Variants in BMP1 observed in about 807,000 individuals in gnomAD.
BMP1 encodes the protein bone morphogenetic protein 1, also known as mammalian tolloid protein.
In BMP1, 63 loss-of-function variants were observed where a neutral mutation model predicts 116.8. The observed-to-expected ratio is 0.54, with a 90% CI of 0.44 to 0.67. The LOEUF is 0.67. BMP1 is among the 30% of genes least tolerant of loss of function. The pLI is 0.00. For synonymous variants in BMP1, 536 were observed against 533.4 expected, an observed-to-expected ratio of 1.00 and a Z score of -0.07; for missense variants, 1,183 against 1,358.9, an observed-to-expected ratio of 0.87 and a Z score of 2.04.
At chr8:22,169,966 G>C (rs1351504056) in intron 1 of BMP1, 2 of 152,188 alleles carry the variant, frequency 1.3e-5, no homozygotes. Context: ...TCTGAGTAAG[G>C]AGAGACCTCC....
intron 8 of BMP1, among the ~76,000 whole-genome samples, chr8:22,189,189 C>A (rs2131872155): frequency 6.6e-6 from 1 of 152,124 alleles, no homozygotes; most frequent in Non-Finnish European, 1.5e-5. Context: ...CTTCCAGACC[C>A]TTCTAGGTAT....
At chr8:22,205,737 T>C (rs1393183253) in intron 16 of BMP1, among the ~76,000 whole-genome samples, 3 of 152,208 alleles carry the variant, frequency 2.0e-5, no homozygotes, top group Non-Finnish European at 4.4e-5. Flanking sequence ...ATCGCACTAC[T>C]GTACTCCAGC....
At chr8:22,185,996 C>T (rs187785784) in intron 8 of BMP1, among the ~76,000 whole-genome samples, 75 of 152,048 alleles carry the variant, frequency 4.9e-4, no homozygotes, top group Admixed American at 3.5e-3. Flanking sequence ...CCACCACGCC[C>T]GGCTAATTTT....
chr8:22,174,632 T>A (rs1828379961), intron 2 of BMP1, among the ~76,000 whole-genome samples: 1 of 138,714 alleles, frequency 7.2e-6, no homozygotes, highest in Non-Finnish European at 1.6e-5. Context: ...TCTGTCTTTT[T>A]TTTTTTTTTT....
Position 22,194,611 on chromosome 8 carries a change from T to A in BMP1, c.1443+21T>A. 6.2e-7 allele frequency: 1 copy of A among 1,612,770 alleles called. No individual in the cohort carries two copies. The highest frequency in any genetic ancestry group is 8.5e-7 in the Non-Finnish European group (1 of 1,179,024). On this transcript the variant is annotated intron_variant, in intron 11 of 19. Transcript: ENST00000306385. The surrounding 1 kb of genome is among the most constrained non-coding windows in gnomAD (Gnocchi z 4.5). ...TTGAGGTAGGTCAGTGGCCCTGTGA[T>A]CTGACCTTTGAATCCAGCAGTTGCT... is the stretch of plus-strand genomic sequence containing the variant.
At chr8:22,211,525 T>A (rs1484415397) in intron 19 of BMP1, 69 bp from the exon 20 acceptor site, 6 of 1,601,324 alleles carry the variant, frequency 3.7e-6, no homozygotes, top group Non-Finnish European at 5.1e-6. Flanking sequence ...AAGCTGGGGA[T>A]CTTGGGGAGG....
chr8:22,192,324 G>A (rs1828959035), intron 9 of BMP1, 173 bp downstream of exon 9: 4 of 572,134 alleles, frequency 7.0e-6, no homozygotes, highest in East Asian at 3.1e-5. Flanking sequence ...CTCACTTGCT[G>A]CGAGACTTCA....
At chr8:22,166,236 A>G (rs1162261011) in intron 1 of BMP1, among the ~76,000 whole-genome samples, 1 of 151,768 alleles carries the variant, frequency 6.6e-6, no homozygotes, top group Non-Finnish European at 1.5e-5. Context: ...ATGTGCCCAG[A>G]GACCCCCGCC....
At chr8:22,192,222 C>T in intron 9 of BMP1, 71 bp downstream of exon 9, 3 of 1,370,502 alleles carry the variant, frequency 2.2e-6, no homozygotes, top group Non-Finnish European at 2.1e-6. Flanking sequence ...TCACACTCTT[C>T]ATCCCCCTCC....
At chr8:22,198,241 C>T (rs759990711) in intron 15 of BMP1, among the ~76,000 whole-genome samples, 4 of 152,190 alleles carry the variant, frequency 2.6e-5, no homozygotes, top group African/African-American at 9.7e-5. Flanking sequence ...TCCCCTGAAC[C>T]GGTGGGCGGG....
chr8:22,194,363 G>A lies in BMP1; in HGVS notation c.1298-82G>A, dbSNP rs990301087. On this transcript the variant is annotated intron_variant, in intron 10 of 19. Coordinates refer to ENST00000306385, the MANE Select transcript of BMP1 (RefSeq NM_006129.5). The surrounding 1 kb of genome is among the most constrained non-coding windows in gnomAD (Gnocchi z 4.5). The stretch of plus-strand genomic sequence containing the variant: ...AAGCTGGGGGACATGGGAGGGACTG[G>A]AGGAGTGGGGAAAAGAGCTCCCTAG... The A allele has an allele frequency of 6.4e-7, 1 of 1,564,136 alleles. No individual in the cohort carries two copies.
At chr8:22,190,509 T>C (rs1453597383) in intron 8 of BMP1, among the ~76,000 whole-genome samples, 3 of 152,066 alleles carry the variant, frequency 2.0e-5, no homozygotes, top group Non-Finnish European at 4.4e-5. Context: ...ACTGAGATTA[T>C]GGAGGGGCAG....
At chr8:22,181,331 T>G (rs1054569604) in intron 8 of BMP1, among the ~76,000 whole-genome samples, 1 of 152,148 alleles carries the variant, frequency 6.6e-6, no homozygotes, top group African/African-American at 2.4e-5. Flanking sequence ...GTCAGAGCTG[T>G]CTCCATCTTC....
At chr8:22,197,486 G>T in intron 15 of BMP1, 66 bp downstream of exon 15, 1 of 1,535,056 alleles carries the variant, frequency 6.5e-7, no homozygotes. Context: ...CTTTCTCCCT[G>T]CCCCTGCACC....
chr8:22,183,886 C>T (rs1159142042), intron 8 of BMP1, among the ~76,000 whole-genome samples: 1 of 152,102 alleles, frequency 6.6e-6, no homozygotes, highest in East Asian at 1.9e-4. Context: ...ATGTTAAATT[C>T]TTTATGTGTG....
chr8:22,193,217 T>G lies in BMP1; in HGVS notation c.1181-841T>G, dbSNP rs1244993229. On this transcript the variant is annotated intron_variant, in intron 9 of 19. Transcript: ENST00000306385. ...CACTTATGTTGATTCTTATTCATTTTTATTTCAAAGTGGACATTTTGTGAG... is the reference window on the plus strand; with the variant it reads ...CACTTATGTTGATTCTTATTCATTTGTATTTCAAAGTGGACATTTTGTGAG... Among the ~76,000 whole-genome samples, 5 of 152,244 alleles carry G rather than the reference T, an allele frequency of 3.3e-5. No individual in the cohort carries two copies. In the East Asian group the frequency reaches 9.6e-4, roughly 29 times the overall value.
chr8:22,176,858 C>A (rs770747985), intron 4 of BMP1, 103 bp from the exon 5 acceptor site: 78 of 1,099,688 alleles, frequency 7.1e-5, no homozygotes, highest in Non-Finnish European at 8.9e-5. Flanking sequence ...CACCCCTCCC[C>A]TTCGCTCCCC....
rs113803211 is a variant in BMP1, at chr8:22,179,368, C to T, written c.837-337C>T. On this transcript the variant is annotated intron_variant, in intron 6 of 19. Transcript: ENST00000306385. This position sits in a 1 kb window ranked among gnomAD's most constrained non-coding sequence, Gnocchi z 4.6. ...CCAGTGGGGCTGGAGAGAGATGACC[C>T]GCTAGGGGCCTGTAGCTTTCCTGGG... 1.9e-3 allele frequency among the ~76,000 whole-genome samples: 293 copies of T among 152,274 alleles called. No homozygotes were observed. Among genetic ancestry groups the T allele is most frequent in the Middle Eastern group, 6.8e-3 (2 of 294 alleles).
intron 13 of BMP1, chr8:22,196,223 G>A: frequency 1.9e-6 from 1 of 526,186 alleles, no homozygotes; most frequent in Non-Finnish European, 3.8e-6. Flanking sequence ...TTGTGGGACA[G>A]ACACTGTTTC....
Sources: gnomAD v4.1 joint callset for allele counts (sites outside exome capture counted in the v4.1 genomes callset) on GRCh38, gnomAD v4.1.1 for gene constraint, Gnocchi (gnomAD v3.1) non-coding constraint, MANE v1.5 for transcripts, NCBI Gene and HGNC (gene_info 2026-07-23, HGNC 2026-07-21) for gene names.